The following TBX5 variants were observed in gnomAD, a reference collection of about 807,000 sequenced individuals.
TBX5 encodes the protein T-box transcription factor TBX5.
Under a neutral mutation model 51.1 loss-of-function variants are expected in TBX5, and 8 were observed. That is an observed-to-expected ratio of 0.16 (90% CI 0.09 to 0.28). The LOEUF (loss-of-function observed/expected upper bound fraction) is 0.28. Ranked by LOEUF, TBX5 falls within the 10% of genes least tolerant of loss-of-function variation. TBX5 has a pLI of 1.00. For synonymous variants in TBX5, 302 were observed against 266.4 expected (o/e 1.13, Z -1.30); for missense variants, 589 against 671.7 (o/e 0.88, Z 1.36).
In TBX5 at chr12:114,366,533, A is replaced by G. The variant is rs181098485; in HGVS notation, c.756-142T>C. 155 of 792,026 alleles carry G rather than the reference A, an allele frequency of 2.0e-4. 1 individual carries two copies. The East Asian group carries it at 3.9e-3, about 20-fold the overall frequency. 49.1% of individuals were successfully genotyped at this position (792,026 alleles called of 1,614,324 possible). On this transcript the variant is annotated intron_variant, in intron 7 of 8. Coordinates refer to ENST00000405440, the MANE Select transcript of TBX5 (RefSeq NM_181486.4). ...AGGTCTTTGATGAATAAAATGATCC[A>G]GTTATATTCATGTCCATCATATTTC...
In TBX5 at chr12:114,389,220, G is replaced by A. The variant is rs375212293; in HGVS notation, c.664-3653C>T. 2.2e-3 allele frequency among the ~76,000 whole-genome samples: 327 copies of A among 151,978 alleles called. 1 individual carries two copies. Among genetic ancestry groups the A allele is most frequent in the African/African-American group, 7.6e-3 (317 of 41,478 alleles). On this transcript the variant is annotated intron_variant, in intron 6 of 8. Coordinates refer to ENST00000405440, the MANE Select transcript of TBX5 (RefSeq NM_181486.4). ...TAGGATTACAGGCATGAGCCACCAC[G>A]CTTGGCCTCAGATTTTTTCTTGACT...
At chr12:114,383,133 G>C (rs146501124) in intron 7 of TBX5, among the ~76,000 whole-genome samples, 2 of 152,086 alleles carry the variant, frequency 1.3e-5, no homozygotes, top group African/African-American at 4.8e-5. Flanking sequence ...GGCCTGGGTC[G>C]GACACAGAAA....
chr12:114,390,924 A>G (rs748310974), intron 6 of TBX5, among the ~76,000 whole-genome samples: 6 of 152,216 alleles, frequency 3.9e-5, no homozygotes, highest in African/African-American at 7.2e-5. Context: ...TAAGCTGTCA[A>G]CCATCTGGGG....
chr12:114,393,603 G>C (rs962088280), intron 6 of TBX5, among the ~76,000 whole-genome samples: 1 of 152,144 alleles, frequency 6.6e-6, no homozygotes, highest in African/African-American at 2.4e-5. Flanking sequence ...AAAAAGAGAA[G>C]ATCCTCCCCC....
chr12:114,395,579 C>A (rs1895606), intron 5 of TBX5, among the ~76,000 whole-genome samples: 387 of 151,770 alleles, frequency 2.5e-3, no homozygotes, highest in African/African-American at 9.0e-3. Context: ...GAGGAAGCAC[C>A]ACCCACACCC....
At chr12:114,404,056 C>T in intron 1 of TBX5, 120 bp from the exon 2 acceptor site, 1 of 1,041,180 alleles carries the variant, frequency 9.6e-7, no homozygotes. Flanking sequence ...TTCCAGCTAC[C>T]AGCACCTCCG....
chr12:114,378,052 A>G (rs147870862), intron 7 of TBX5, among the ~76,000 whole-genome samples: 1 of 152,128 alleles, frequency 6.6e-6, no homozygotes, highest in African/African-American at 2.4e-5. Flanking sequence ...CCTTAGGTTC[A>G]GGGACCACGC....
intron 5 of TBX5, among the ~76,000 whole-genome samples, chr12:114,395,975 T>G (rs1895603): frequency 0.98 from 148,524 of 152,226 alleles, 72,501 homozygotes; most frequent in East Asian, 1. Flanking sequence ...CCCACCGAAC[T>G]TGCGAATCGC....
chr12:114,370,602 C>A (rs117620463), intron 7 of TBX5, among the ~76,000 whole-genome samples: 2 of 151,870 alleles, frequency 1.3e-5, no homozygotes, highest in South Asian at 2.1e-4. Context: ...TCCTCACATG[C>A]CAGGCAGGGA....
chr12:114,378,382 G>T (rs1241738766), intron 7 of TBX5, among the ~76,000 whole-genome samples: 1 of 152,290 alleles, frequency 6.6e-6, no homozygotes, highest in East Asian at 1.9e-4. Context: ...CAAGCTTGCA[G>T]CCAGGCAGGC....
intron 7 of TBX5, among the ~76,000 whole-genome samples, chr12:114,371,849 C>G (rs150598080): frequency 6.6e-6 from 1 of 152,076 alleles, no homozygotes; most frequent in African/African-American, 2.4e-5. Context: ...TGCACGGACA[C>G]GGCAGGGACT....
At chr12:114,370,638 C>CTCT (rs1869844175) in intron 7 of TBX5, among the ~76,000 whole-genome samples, 3 of 146,774 alleles carry the variant, frequency 2.0e-5, no homozygotes, top group African/African-American at 7.6e-5. Context: ...ATGATCTCTC[C>CTCT]CTCTCTCTCT....
chr12:114,377,657 T>A (rs1014325547), intron 7 of TBX5, among the ~76,000 whole-genome samples: 11 of 149,236 alleles, frequency 7.4e-5, no homozygotes, highest in African/African-American at 2.7e-4. Context: ...CTCAAGCAAT[T>A]CTCCTCCTGT....
chr12:114,387,109 A>C (rs1394864778), intron 6 of TBX5, among the ~76,000 whole-genome samples: 1 of 150,236 alleles, frequency 6.7e-6, no homozygotes, highest in Non-Finnish European at 1.5e-5. Flanking sequence ...CCGTCTCAAA[A>C]AAAAAACAAA....
In TBX5 at chr12:114,366,524, A is replaced by C. The variant is rs1427541063; in HGVS notation, c.756-133T>G. ...AAAAAAAAGAGGTCTTTGATGAATA[A>C]AATGATCCAGTTATATTCATGTCCA... On this transcript the variant is annotated intron_variant, in intron 7 of 8. Coordinates refer to ENST00000405440, the MANE Select transcript of TBX5 (RefSeq NM_181486.4). 3.6e-6 allele frequency: 3 copies of C among 836,204 alleles called. No individual in the cohort carries two copies. In the African/African-American group the frequency reaches 5.1e-5, roughly 14 times the overall value. 51.8% of individuals were successfully genotyped at this position (836,204 alleles called of 1,614,324 possible).
intron 8 of TBX5, among the ~76,000 whole-genome samples, chr12:114,363,474 T>C (rs2136369902): frequency 6.6e-6 from 1 of 152,366 alleles, no homozygotes; most frequent in East Asian, 1.9e-4. Flanking sequence ...TGATCCTTTT[T>C]AACTTCTTCC....
chr12:114,400,937 TCA>T (rs910639323), intron 3 of TBX5, among the ~76,000 whole-genome samples: 1 of 152,174 alleles, frequency 6.6e-6, no homozygotes, highest in Non-Finnish European at 1.5e-5. Context: ...CCCTCCCCCT[TCA>T]CACACTCGGT....
At chr12:114,399,021 T>C (rs1052306714) in intron 4 of TBX5, among the ~76,000 whole-genome samples, 5 of 152,120 alleles carry the variant, frequency 3.3e-5, no homozygotes, top group African/African-American at 1.2e-4. Context: ...CCTTGAGGGC[T>C]TTCAACGGGG....
chr12:114,389,825 C>A (rs1444946076), intron 6 of TBX5, among the ~76,000 whole-genome samples: 1 of 149,280 alleles, frequency 6.7e-6, no homozygotes, highest in African/African-American at 2.5e-5. Flanking sequence ...CACCTCCCAG[C>A]CTGCCCCACC....
Sources: gnomAD v4.1 joint callset for allele counts (sites outside exome capture counted in the v4.1 genomes callset) on GRCh38, gnomAD v4.1.1 for gene constraint, MANE v1.5 for transcripts, NCBI Gene and HGNC (gene_info 2026-07-23, HGNC 2026-07-21) for gene names.